Variants in MAGI2 observed in about 807,000 individuals in gnomAD.
The protein encoded by MAGI2 is membrane-associated guanylate kinase, WW and PDZ domain-containing protein 2.
MAGI2 carries 35 observed loss-of-function variants against 133.3 expected under a neutral mutation model. The observed-to-expected ratio is 0.26, with a 90% CI of 0.20 to 0.35. The LOEUF is 0.35. MAGI2 is among the 10% of genes least tolerant of loss of function. The pLI is 1.00. For synonymous variants in MAGI2, 729 were observed against 710.6 expected (o/e 1.03, Z -0.41); for missense variants, 1,636 against 1,863.4 (o/e 0.88, Z 2.25).
intron 1 of MAGI2, among the ~76,000 whole-genome samples, chr7:79,213,722 C>G (rs943262010): frequency 6.6e-6 from 1 of 152,042 alleles, no homozygotes; most frequent in African/African-American, 2.4e-5. Flanking sequence ...GCAATTACTA[C>G]AGACACTGCT....
chr7:78,338,883 G>A (rs1790052500), intron 9 of MAGI2, among the ~76,000 whole-genome samples: 1 of 152,146 alleles, frequency 6.6e-6, no homozygotes, highest in African/African-American at 2.4e-5. Context: ...GTGCATGCCT[G>A]TAGTCCTAGC....
intron 7 of MAGI2, among the ~76,000 whole-genome samples, chr7:78,361,404 A>AAG (rs1792790149): frequency 6.6e-6 from 1 of 151,338 alleles, no homozygotes; most frequent in Non-Finnish European, 1.5e-5. Flanking sequence ...AAAAAAAAAA[A>AAG]AAGCTTGAAG....
rs767332496 is a variant in MAGI2, at chr7:79,399,095, CTTTT to C, written c.301+53921_301+53924del. On this transcript the variant is annotated intron_variant, in intron 1 of 21. Coordinates refer to ENST00000354212, the MANE Select transcript of MAGI2 (RefSeq NM_012301.4). ...GTATTATTTCTTTTTTTTTTCTTTT[CTTTT>C]TTTTTTTTTTTGGGAGATGGAGCCT... 7.0e-3 allele frequency among the ~76,000 whole-genome samples: 743 copies of C among 106,268 alleles called. 17 individuals carry two copies. Among genetic ancestry groups the C allele is most frequent in the East Asian group, 0.025 (78 of 3,180 alleles). The allele number at this position is 106,268 out of a possible 152,430, so 69.7% of individuals were successfully genotyped here.
Position 78,876,270 on chromosome 7 carries a change from C to T in MAGI2, c.418+130820G>A, listed in dbSNP as rs865843476. On this transcript the variant is annotated intron_variant, in intron 2 of 21. Transcript: ENST00000354212. The stretch of plus-strand genomic sequence containing the variant: ...CCAGGAGGTGGACATTGTAGTGAGC[C>T]GAGATCACGCCACTGCACTCCAGCC... 5.7e-5 allele frequency among the ~76,000 whole-genome samples: 8 copies of T among 139,982 alleles called. No homozygotes were observed. The East Asian group carries it at 1.5e-3, about 26-fold the overall frequency. 91.8% of individuals were successfully genotyped at this position (139,982 alleles called of 152,430 possible).
intron 1 of MAGI2, among the ~76,000 whole-genome samples, chr7:79,425,938 A>G (rs76292678): frequency 6.6e-6 from 1 of 152,194 alleles, no homozygotes; most frequent in Non-Finnish European, 1.5e-5. Flanking sequence ...ACTTGAATAA[A>G]AGGCACCACA....
At position 78,606,555 on chromosome 7, in the gene MAGI2, T is replaced by A. The variant is rs536361452; in HGVS notation, c.538+20565A>T. Among the ~76,000 whole-genome samples, 2 of 152,296 alleles carry A rather than the reference T, an allele frequency of 1.3e-5. 1 individual carries two copies. The highest frequency in any genetic ancestry group is 4.1e-4 in the South Asian group (2 of 4,830). Reference sequence around the variant, plus strand: ...TGCACTATTTTTTCTTACATGTTTTTCCTTGTGTGCTAGTTTTTGGAATGT... The same window carrying A: ...TGCACTATTTTTTCTTACATGTTTTACCTTGTGTGCTAGTTTTTGGAATGT... On this transcript the variant is annotated intron_variant, in intron 3 of 21. Transcript: ENST00000354212.
Position 78,697,784 on chromosome 7 carries a change from C to G in MAGI2, c.419-70545G>C, listed in dbSNP as rs887161246. Among the ~76,000 whole-genome samples, 8 of 151,984 alleles carry G rather than the reference C, an allele frequency of 5.3e-5. No individual in the cohort carries two copies. The East Asian group carries it at 1.5e-3, about 29-fold the overall frequency. On this transcript the variant is annotated intron_variant, in intron 2 of 21. Coordinates refer to ENST00000354212, the MANE Select transcript of MAGI2 (RefSeq NM_012301.4). ...TTCAGGTCTTTAAGATACTATTTCT[C>G]TCCCTTTTTATTATGTCTACATTGC...
chr7:78,764,709 G>C (rs1224522404), intron 2 of MAGI2, among the ~76,000 whole-genome samples: 6 of 152,164 alleles, frequency 3.9e-5, no homozygotes, highest in East Asian at 1.9e-4. Flanking sequence ...CTTGATCATA[G>C]GCTCTTAGAG....
At chr7:78,647,006 G>C (rs1810962833) in intron 2 of MAGI2, among the ~76,000 whole-genome samples, 1 of 152,170 alleles carries the variant, frequency 6.6e-6, no homozygotes, top group Non-Finnish European at 1.5e-5. Flanking sequence ...GTGGGTGACA[G>C]TAATTACATA....
At chr7:79,357,403 C>G (rs976797712) in intron 1 of MAGI2, among the ~76,000 whole-genome samples, 1 of 151,724 alleles carries the variant, frequency 6.6e-6, no homozygotes, top group African/African-American at 2.4e-5. Context: ...TTATGCTGAC[C>G]CTCAGAAAGT....
chr7:79,082,542 T>C (rs1309320080), intron 1 of MAGI2, among the ~76,000 whole-genome samples: 1 of 152,112 alleles, frequency 6.6e-6, no homozygotes, highest in African/African-American at 2.4e-5. Flanking sequence ...TGTGTATGCA[T>C]TTATTTCTGG....
intron 1 of MAGI2, among the ~76,000 whole-genome samples, chr7:79,387,736 T>C (rs1051471313): frequency 4.9e-4 from 75 of 152,094 alleles, no homozygotes; most frequent in African/African-American, 1.7e-3. Context: ...TGATGTGTTC[T>C]AGAACAATAT....
chr7:79,420,376 TG>T (rs1343825749), intron 1 of MAGI2, among the ~76,000 whole-genome samples: 8 of 152,164 alleles, frequency 5.3e-5, no homozygotes, highest in African/African-American at 1.9e-4. Flanking sequence ...CTCAAAGTGA[TG>T]CCCCCAATTC....
intron 5 of MAGI2, among the ~76,000 whole-genome samples, chr7:78,497,531 C>T (rs1482289619): frequency 6.6e-6 from 1 of 152,058 alleles, no homozygotes; most frequent in Non-Finnish European, 1.5e-5. Context: ...TTCTAAAGGA[C>T]TCAGCCATAT....
chr7:79,270,615 A>G (rs1053740848), intron 1 of MAGI2, among the ~76,000 whole-genome samples: 8 of 152,208 alleles, frequency 5.3e-5, no homozygotes, highest in African/African-American at 1.9e-4. Flanking sequence ...AATGACTTCA[A>G]GTGTTATACA....
chr7:78,270,195 A>C (rs1794427267), intron 9 of MAGI2, among the ~76,000 whole-genome samples: 1 of 152,180 alleles, frequency 6.6e-6, no homozygotes, highest in Non-Finnish European at 1.5e-5. Context: ...GAAGTCTGAT[A>C]GCATGATGTC....
chr7:78,218,667 G>A (rs1438669169), intron 10 of MAGI2, among the ~76,000 whole-genome samples: 1 of 152,186 alleles, frequency 6.6e-6, no homozygotes, highest in Non-Finnish European at 1.5e-5. Flanking sequence ...GAAAAAGTAT[G>A]AGCCACCTCT....
intron 1 of MAGI2, among the ~76,000 whole-genome samples, chr7:79,105,846 A>G (rs1175723546): frequency 1.3e-5 from 2 of 152,068 alleles, no homozygotes; most frequent in Non-Finnish European, 2.9e-5. Context: ...TTTTTTTTCA[A>G]CATTAAAAAC....
intron 6 of MAGI2, among the ~76,000 whole-genome samples, chr7:78,462,047 T>G (rs2151513930): frequency 6.6e-6 from 1 of 152,112 alleles, no homozygotes; most frequent in African/African-American, 2.4e-5. Flanking sequence ...GATTCAATTT[T>G]GTAAAGAAAA....
Sources: allele counts gnomAD v4.1 joint callset (sites outside exome capture counted in the v4.1 genomes callset), GRCh38; gene constraint gnomAD v4.1.1; transcripts MANE v1.5; gene names NCBI Gene and HGNC (gene_info 2026-07-23, HGNC 2026-07-21).